Variants in LINGO2 observed in about 807,000 individuals in gnomAD.
LINGO2 encodes the protein leucine rich repeat and Ig domain containing 2, also known as leucine-rich repeat and immunoglobulin-like domain-containing nogo receptor-interacting protein 2.
In LINGO2, 14 loss-of-function variants were observed where a neutral mutation model predicts 30.6. The ratio of observed to expected loss-of-function variants is 0.46; its 90% confidence interval spans 0.30 to 0.72. LINGO2 has a LOEUF of 0.72. Ranked by LOEUF, LINGO2 falls within the 30% of genes least tolerant of loss-of-function variation. The probability of loss-of-function intolerance (pLI) is 0.07; values close to 1 mark genes in which losing one functional copy is unlikely to be tolerated. For missense variants in LINGO2, 729 were observed against 751.7 expected, an observed-to-expected ratio of 0.97 and a Z score of 0.35; for synonymous variants, 317 against 288.5, an observed-to-expected ratio of 1.10 and a Z score of -1.00.
chr9:29,079,127 G>A, the LINGO2 span, among the ~76,000 whole-genome samples: 2 of 144,934 alleles, frequency 1.4e-5, no homozygotes, highest in Non-Finnish European at 3.0e-5. Flanking sequence ...ATAGACAGAG[G>A]ACTATCTATG....
At position 28,199,338 on chromosome 9, in the gene LINGO2, C is replaced by CTTG. The variant is rs1205699330; in HGVS notation, c.-87+95869_-87+95870insCAA. Among the ~76,000 whole-genome samples, 2 of 136,310 alleles carry CTTG rather than the reference C, an allele frequency of 1.5e-5. 1 individual carries two copies. The highest frequency in any genetic ancestry group is 3.3e-5 in the Non-Finnish European group (2 of 60,592). The allele number at this position is 136,310 out of a possible 152,430, so 89.4% of individuals were successfully genotyped here. A position where few individuals can be genotyped will look rare whatever the true frequency, so the allele number is the denominator to read the frequency against. ...TACGGGCTATCTTCTTCTTCTTCTTCTTCTTCTTTTTTTTTTTTTGAGACG... is the reference window on the plus strand; with the variant it reads ...TACGGGCTATCTTCTTCTTCTTCTTCTTGTTCTTCTTTTTTTTTTTTTGAGACG... On this transcript the variant is annotated intron_variant, in intron 4 of 5. Transcript: ENST00000379992.
the LINGO2 span, among the ~76,000 whole-genome samples, chr9:29,046,260 T>C: frequency 6.6e-6 from 1 of 152,142 alleles, no homozygotes; most frequent in African/African-American, 2.4e-5. Context: ...ATAATGTTGG[T>C]TGTGGATTTG....
chr9:28,987,862 G>C, the LINGO2 span, among the ~76,000 whole-genome samples: 1 of 151,984 alleles, frequency 6.6e-6, no homozygotes, highest in Non-Finnish European at 1.5e-5. Context: ...TCATGCTATT[G>C]ATTTCTAGTT....
At chr9:28,879,579 A>G in the LINGO2 span, among the ~76,000 whole-genome samples, 50 of 152,224 alleles carry the variant, frequency 3.3e-4, no homozygotes, top group African/African-American at 1.2e-3. Context: ...CACATCATCT[A>G]TGGGTTCCAG....
At position 28,240,194 on chromosome 9, in the gene LINGO2, C is replaced by T. The variant is rs1298451185; in HGVS notation, c.-87+55014G>A. ...GGAAGAATTAATATTGTTAAAATATCCATACTACACAAAGCAATCTATAGA... is the reference window on the plus strand; with the variant it reads ...GGAAGAATTAATATTGTTAAAATATTCATACTACACAAAGCAATCTATAGA... On this transcript the variant is annotated intron_variant, in intron 4 of 5. Coordinates refer to ENST00000379992, the Ensembl canonical transcript of LINGO2. Among the ~76,000 whole-genome samples the T allele has an allele frequency of 7.9e-5, 12 of 152,114 alleles. No individual in the cohort carries two copies. In the East Asian group the frequency reaches 1.9e-3, roughly 25 times the overall value.
chr9:28,650,223 C>A (rs1014338864), intron 1 of LINGO2, among the ~76,000 whole-genome samples: 1 of 152,018 alleles, frequency 6.6e-6, no homozygotes, highest in African/African-American at 2.4e-5. Flanking sequence ...AAAATTGTTC[C>A]AAATTGACAT....
chr9:28,517,729 C>CAAGCAAT (rs1820675971), intron 1 of LINGO2, among the ~76,000 whole-genome samples: 3 of 152,102 alleles, frequency 2.0e-5, no homozygotes, highest in Admixed American at 2.0e-4. Flanking sequence ...TTTCAAGCAA[C>CAAGCAAT]ATTAGTACTT....
the LINGO2 span, among the ~76,000 whole-genome samples, chr9:29,008,712 G>A: frequency 6.6e-6 from 1 of 152,190 alleles, no homozygotes; most frequent in South Asian, 2.1e-4. Flanking sequence ...TCTGTTGGCT[G>A]CACAAATGTC....
At chr9:28,670,420 CT>C (rs1828965912), upstream of LINGO2, 1 of 152,052 alleles carries the variant, frequency 6.6e-6, no homozygotes, top group African/African-American at 2.4e-5. Context: ...GTTATAATAG[CT>C]TTTGTTAAAT....
rs114143603 is a variant in LINGO2, at chr9:28,646,652, G to T, written c.-365+23548C>A. Among the ~76,000 whole-genome samples the T allele has an allele frequency of 2.7e-3, 418 of 152,130 alleles. 3 individuals carry two copies. Among genetic ancestry groups the T allele is most frequent in the African/African-American group, 9.6e-3 (399 of 41,518 alleles). On this transcript the variant is annotated intron_variant, in intron 1 of 5. Coordinates refer to ENST00000379992, the Ensembl canonical transcript of LINGO2. ...GCATCCAACACTGTTGAAGGGAGAA[G>T]ATATAGGATTTGGAGAGGCTGATGT...
the LINGO2 span, among the ~76,000 whole-genome samples, chr9:28,693,117 G>C: frequency 2.6e-5 from 4 of 151,910 alleles, no homozygotes; most frequent in African/African-American, 7.3e-5. Context: ...AACCTCCCGG[G>C]CACTTTTCTC....
At chr9:29,007,106 A>G in the LINGO2 span, among the ~76,000 whole-genome samples, 1 of 152,122 alleles carries the variant, frequency 6.6e-6, no homozygotes, top group African/African-American at 2.4e-5. Context: ...ACATGAAAAC[A>G]TTTCCAGCCA....
the LINGO2 span, among the ~76,000 whole-genome samples, chr9:28,842,237 T>G: frequency 3.3e-5 from 5 of 151,870 alleles, no homozygotes; most frequent in Non-Finnish European, 2.9e-5. Context: ...TGGCTCCACA[T>G]TTTGAATGCT....
At position 27,998,970 on chromosome 9, in the gene LINGO2, G is replaced by C. The variant is rs147685759; in HGVS notation, c.-36+13385C>G. Among the ~76,000 whole-genome samples the C allele has an allele frequency of 5.9e-3, 896 of 152,236 alleles. 5 individuals carry two copies. The highest frequency in any genetic ancestry group is 1.0e-2 in the Non-Finnish European group (677 of 68,016). On this transcript the variant is annotated intron_variant, in intron 5 of 5. Coordinates refer to ENST00000379992, the Ensembl canonical transcript of LINGO2. ...TACCTAGGGTTCTACAGAAGGTGCA[G>C]ATTAGGGTCAGACCCAGAGTTGTCT...
the LINGO2 span, among the ~76,000 whole-genome samples, chr9:29,197,092 T>C: frequency 3.9e-5 from 6 of 152,072 alleles, no homozygotes; most frequent in Non-Finnish European, 2.9e-5. Context: ...AGTGTTGGAA[T>C]TTTACAAAGT....
At chr9:28,447,680 T>A (rs1564205054) in intron 2 of LINGO2, among the ~76,000 whole-genome samples, 1 of 152,188 alleles carries the variant, frequency 6.6e-6, no homozygotes, top group Non-Finnish European at 1.5e-5. Context: ...TTTGAAATGA[T>A]TAATAGAATC....
chr9:28,286,656 G>A (rs1823519679), intron 4 of LINGO2, among the ~76,000 whole-genome samples: 3 of 152,142 alleles, frequency 2.0e-5, no homozygotes. Context: ...CATGTTCTTT[G>A]CAGGGACATG....
At chr9:28,325,303 G>C (rs1825188770) in intron 3 of LINGO2, among the ~76,000 whole-genome samples, 1 of 152,056 alleles carries the variant, frequency 6.6e-6, no homozygotes, top group East Asian at 1.9e-4. Context: ...ACTTAGAAAA[G>C]TCTTTTTTAA....
Position 28,243,457 on chromosome 9 carries a change from C to CAAAA in LINGO2, c.-87+51747_-87+51750dup, listed in dbSNP as rs201759263. Among the ~76,000 whole-genome samples, 7 of 98,310 alleles carry CAAAA rather than the reference C, an allele frequency of 7.1e-5. 1 individual carries two copies. Among genetic ancestry groups the CAAAA allele is most frequent in the Non-Finnish European group, 1.4e-4 (7 of 48,728 alleles). The allele number at this position is 98,310 out of a possible 152,430, so 64.5% of individuals were successfully genotyped here. A position where few individuals can be genotyped will look rare whatever the true frequency, so the allele number is the denominator to read the frequency against. The stretch of plus-strand genomic sequence containing the variant: ...CCTGTGCGACGGAGAAAGACTCTCT[C>CAAAA]AAAAAATAAAAAAAGAAGAAGAAGA... On this transcript the variant is annotated intron_variant, in intron 4 of 5. Coordinates refer to ENST00000379992, the Ensembl canonical transcript of LINGO2.
Sources: allele counts gnomAD v4.1 joint callset (sites outside exome capture counted in the v4.1 genomes callset), GRCh38; gene constraint gnomAD v4.1.1; transcripts MANE v1.5; gene names NCBI Gene and HGNC (gene_info 2026-07-23, HGNC 2026-07-21).